CASD1: variants seen among roughly 807,000 people sequenced by gnomAD.
CASD1 encodes the protein N-acetylneuraminate (7)9-O-acetyltransferase.
Under a neutral mutation model 100.0 loss-of-function variants are expected in CASD1, and 41 were observed. That is an observed-to-expected ratio of 0.41 (90% CI 0.32 to 0.53). CASD1 has a LOEUF of 0.53. Among genes scored for constraint, CASD1 ranks in the 20% least tolerant of loss-of-function variants. The pLI is 0.25. For missense variants in CASD1, 774 were observed against 948.7 expected, an observed-to-expected ratio of 0.82 and a Z score of 2.42; for synonymous variants, 321 against 315.6, an observed-to-expected ratio of 1.02 and a Z score of -0.18.
the CASD1 span, among the ~76,000 whole-genome samples, chr7:94,616,238 A>T: frequency 6.6e-6 from 1 of 152,078 alleles, no homozygotes; most frequent in Non-Finnish European, 1.5e-5. Context: ...ACTGAGGGCT[A>T]CTCTTGGTCA....
the CASD1 span, among the ~76,000 whole-genome samples, chr7:94,594,717 T>C: frequency 1.3e-5 from 2 of 152,102 alleles, no homozygotes; most frequent in African/African-American, 4.8e-5. Context: ...GGGAACTCTC[T>C]ATTATCTTTG....
Position 94,549,591 on chromosome 7 carries a change from G to A in CASD1, c.1772G>A (p.Gly591Glu). The A allele has an allele frequency of 6.2e-7, 1 of 1,610,674 alleles. No homozygotes were observed. Among genetic ancestry groups the A allele is most frequent in the Non-Finnish European group, 8.5e-7 (1 of 1,178,124 alleles). ...WPLSKCFELK[G>E]NVYEWWFRWR... ...TTGTCCAAGTGTTTTGAACTGAAAG[G>A]GAATGTATATGAATGGTGGTTCAGA... Residue 591 changes from glycine to glutamate, a missense_variant, in exon 14 of 18, where the codon GGG becomes GAG. Coordinates refer to ENST00000297273, the MANE Select transcript of CASD1 (RefSeq NM_022900.5).
rs563753785 is a variant in CASD1, at chr7:94,537,697, A to G, written c.1069A>G (p.Ile357Val). Reference protein sequence around the residue: ...LESGEEKKNIINTPVSSLEIL... With the variant: ...LESGEEKKNIVNTPVSSLEIL... ...AAGTGGAGAGGAAAAGAAAAATATTATCAATACCCCTGTGTCTTCATTAGA... is the reference window on the plus strand; with the variant it reads ...AAGTGGAGAGGAAAAGAAAAATATTGTCAATACCCCTGTGTCTTCATTAGA... Residue 357 changes from isoleucine (I) to valine (V), a missense_variant, in exon 9 of 18, where the codon ATC becomes GTC. Coordinates refer to ENST00000297273, the MANE Select transcript of CASD1 (RefSeq NM_022900.5). 1 of 1,613,662 alleles carries G rather than the reference A, an allele frequency of 6.2e-7. No individual in the cohort carries two copies. Among genetic ancestry groups the G allele is most frequent in the Non-Finnish European group, 8.5e-7 (1 of 1,179,792 alleles).
At chr7:94,628,321 A>C in the CASD1 span, 1 of 1,611,120 alleles carries the variant, frequency 6.2e-7, no homozygotes, top group South Asian at 1.1e-5. Flanking sequence ...TAACCCATTA[A>C]ATTTGTATTA....
At chr7:94,583,479 C>G in the CASD1 span, among the ~76,000 whole-genome samples, 4 of 152,096 alleles carry the variant, frequency 2.6e-5, no homozygotes, top group African/African-American at 7.2e-5. Flanking sequence ...TTCTAAAGAA[C>G]CAATTTATAG....
chr7:94,512,891 A>G (rs1020172577), intron 1 of CASD1, among the ~76,000 whole-genome samples: 1 of 152,212 alleles, frequency 6.6e-6, no homozygotes, highest in Non-Finnish European at 1.5e-5. Context: ...GCCTAAGGAT[A>G]CACAGTGACT....
At chr7:94,544,716 AG>A in intron 11 of CASD1, among the ~76,000 whole-genome samples, 186 bp downstream of exon 11, 1 of 152,144 alleles carries the variant, frequency 6.6e-6, no homozygotes. Flanking sequence ...TAGTGAAAGA[AG>A]GAAAATATAA....
At chr7:94,535,619 A>C in intron 8 of CASD1, 96 bp downstream of exon 8, 1 of 869,054 alleles carries the variant, frequency 1.2e-6, no homozygotes, top group Non-Finnish European at 1.8e-6. Context: ...AATTTGTTTT[A>C]TTGCAGTCTT....
chr7:94,544,265 T>G, intron 10 of CASD1, 146 bp from the exon 11 acceptor site: 1 of 965,106 alleles, frequency 1.0e-6, no homozygotes, highest in South Asian at 1.5e-5. Flanking sequence ...CTTGCTATAA[T>G]GACTAACTTT....
chr7:94,514,813 G>T (rs890520179), intron 1 of CASD1, among the ~76,000 whole-genome samples: 1 of 151,912 alleles, frequency 6.6e-6, no homozygotes, highest in Non-Finnish European at 1.5e-5. Flanking sequence ...TTATCTGAAC[G>T]CCTGGCAACA....
At chr7:94,628,268 T>C in the CASD1 span, 2 of 1,611,878 alleles carry the variant, frequency 1.2e-6, no homozygotes, top group African/African-American at 2.7e-5. Flanking sequence ...CATCACTATA[T>C]GGTGTCCTTT....
At chr7:94,581,828 G>A in the CASD1 span, among the ~76,000 whole-genome samples, 1 of 152,152 alleles carries the variant, frequency 6.6e-6, no homozygotes, top group African/African-American at 2.4e-5. Flanking sequence ...TAGTGCTGCA[G>A]TGAACATACA....
chr7:94,607,040 C>A, the CASD1 span, among the ~76,000 whole-genome samples: 1 of 151,566 alleles, frequency 6.6e-6, no homozygotes, highest in Admixed American at 6.6e-5. Context: ...TAATTGAAAC[C>A]TCCCCCTCAG....
rs553608679 is a variant in CASD1, at chr7:94,546,994, T to C, written c.1634-102T>C. 27 of 642,364 alleles carry C rather than the reference T, an allele frequency of 4.2e-5. No homozygotes were observed. The South Asian group carries it at 6.0e-4, about 14-fold the overall frequency. The allele number at this position is 642,364 out of a possible 1,614,324, so 39.8% of individuals were successfully genotyped here. On this transcript the variant is annotated intron_variant, in intron 12 of 17. Coordinates refer to ENST00000297273, the MANE Select transcript of CASD1 (RefSeq NM_022900.5). ...TATTCTTGTAAGCATTCTTATATTA[T>C]TTTAAGAACTATTCAGCATGTACAT...
the CASD1 span, among the ~76,000 whole-genome samples, chr7:94,584,371 A>G: frequency 1.3e-5 from 2 of 152,270 alleles, 1 homozygote. Context: ...CAAGCTGATT[A>G]CTCCTGGAGA....
At chr7:94,611,966 A>G in the CASD1 span, among the ~76,000 whole-genome samples, 1 of 152,238 alleles carries the variant, frequency 6.6e-6, no homozygotes, top group Non-Finnish European at 1.5e-5. Flanking sequence ...ATTGGTATTT[A>G]GATGATCAGA....
the CASD1 span, among the ~76,000 whole-genome samples, chr7:94,569,962 C>T: frequency 1.1e-4 from 17 of 151,864 alleles, no homozygotes; most frequent in Middle Eastern, 3.4e-3. Context: ...TACAGGTGCC[C>T]GCCACCATGC....
intron 10 of CASD1, among the ~76,000 whole-genome samples, chr7:94,539,668 CAAAA>C (rs71120400): frequency 5.8e-5 from 7 of 119,746 alleles, no homozygotes; most frequent in Non-Finnish European, 1.2e-4. Flanking sequence ...GACTCCGTCT[CAAAA>C]AAAAAAAAAA....
chr7:94,545,999 T>G (rs1795658833), intron 12 of CASD1, among the ~76,000 whole-genome samples: 2 of 152,040 alleles, frequency 1.3e-5, no homozygotes, highest in South Asian at 4.1e-4. Context: ...TTAAACTGTC[T>G]TCTTATACAG....
Sources: allele counts gnomAD v4.1 joint callset (sites outside exome capture counted in the v4.1 genomes callset), GRCh38; gene constraint gnomAD v4.1.1; transcripts MANE v1.5; gene names NCBI Gene and HGNC (gene_info 2026-07-23, HGNC 2026-07-21).